Variants in SASH1 observed in about 807,000 individuals in gnomAD.
SASH1 encodes the protein SAM and SH3 domain-containing protein 1.
SASH1 carries 44 observed loss-of-function variants against 125.2 expected under a neutral mutation model. That is an observed-to-expected ratio of 0.35 (90% CI 0.28 to 0.45). The LOEUF (loss-of-function observed/expected upper bound fraction) is 0.45. SASH1 is among the 20% of genes least tolerant of loss of function. SASH1 has a pLI of 1.00. For missense variants in SASH1, 1,426 were observed against 1,614.5 expected, an observed-to-expected ratio of 0.88 and a Z score of 2.00; for synonymous variants, 639 against 649.1, an observed-to-expected ratio of 0.98 and a Z score of 0.24.
At chr6:148,220,202 C>G in the SASH1 span, among the ~76,000 whole-genome samples, 24 of 152,194 alleles carry the variant, frequency 1.6e-4, no homozygotes, top group Non-Finnish European at 8.8e-5. Context: ...CAGGCACAGA[C>G]AGTTTCAGTG....
chr6:148,523,887 C>T (rs1780965742), intron 10 of SASH1, among the ~76,000 whole-genome samples: 1 of 152,122 alleles, frequency 6.6e-6, no homozygotes, highest in East Asian at 1.9e-4. Context: ...AGAGTGTCTG[C>T]CTTGTGCCAG....
In SASH1 at chr6:148,487,602, T is replaced by G. The variant is rs1361543100; in HGVS notation, c.628-12T>G. 6.2e-7 allele frequency: 1 copy of G among 1,605,718 alleles called. No homozygotes were observed. ...TTCTTTCCATTTCAGTATCCATTTC[T>G]TCTTGTTACAGCTCAAGGAATACGA... On this transcript the variant is annotated splice_polypyrimidine_tract_variant and intron_variant, in intron 7 of 19. Coordinates refer to ENST00000367467, the MANE Select transcript of SASH1 (RefSeq NM_015278.5).
intron 1 of SASH1, among the ~76,000 whole-genome samples, chr6:148,352,559 C>T (rs1216409172): frequency 2.0e-5 from 3 of 150,872 alleles, no homozygotes; most frequent in Non-Finnish European, 3.0e-5. Flanking sequence ...ATCACACCAC[C>T]GTACTCCAGC....
At chr6:148,357,666 C>G (rs1233056945) in intron 1 of SASH1, among the ~76,000 whole-genome samples, 1 of 152,124 alleles carries the variant, frequency 6.6e-6, no homozygotes, top group Non-Finnish European at 1.5e-5. Context: ...TTGAGACAGG[C>G]TCCAGAACAG....
chr6:148,340,450 T>A (rs1031243545), upstream of SASH1, among the ~76,000 whole-genome samples: 26 of 148,930 alleles, frequency 1.7e-4, no homozygotes, highest in Admixed American at 1.5e-3. Context: ...GCCACTGCAC[T>A]CCAGCCTGGG....
At chr6:148,524,121 A>ATATATATATATATATATATATTT (rs1193506716) in intron 10 of SASH1, among the ~76,000 whole-genome samples, 31 of 128,590 alleles carry the variant, frequency 2.4e-4, no homozygotes, top group East Asian at 1.1e-3. Flanking sequence ...ATATATATAT[A>ATATATATATATATATATATATTT]TTTTTTTTAA....
chr6:148,219,923 A>G, the SASH1 span, among the ~76,000 whole-genome samples: 4 of 152,196 alleles, frequency 2.6e-5, no homozygotes, highest in Non-Finnish European at 5.9e-5. Context: ...AGGAAGCCAA[A>G]AGAGTTTCAA....
chr6:148,511,446 C>CA (rs1223489647), intron 8 of SASH1, among the ~76,000 whole-genome samples: 2 of 151,198 alleles, frequency 1.3e-5, no homozygotes, highest in Non-Finnish European at 2.9e-5. Flanking sequence ...GTCTAGCGTC[C>CA]AAAAAATGAT....
At position 148,370,141 on chromosome 6, in the gene SASH1, T is replaced by A. The variant is rs115685064; in HGVS notation, c.157-19993T>A. The stretch of plus-strand genomic sequence containing the variant: ...AGGAAGGATAGAAGGATAGATCAAG[T>A]GAAAGTGACCTTTCGAATGTCCCTG... On this transcript the variant is annotated intron_variant, in intron 1 of 19. Transcript: ENST00000367467. 2.1e-3 allele frequency among the ~76,000 whole-genome samples: 314 copies of A among 152,290 alleles called. 2 individuals are homozygous for A. Among genetic ancestry groups the A allele is most frequent in the African/African-American group, 7.4e-3 (306 of 41,568 alleles).
At chr6:148,422,520 T>A (rs1052369894) in intron 2 of SASH1, among the ~76,000 whole-genome samples, 1 of 152,242 alleles carries the variant, frequency 6.6e-6, no homozygotes, top group Non-Finnish European at 1.5e-5. Context: ...CAGTAAACTA[T>A]GCAACCAGGT....
chr6:148,270,699 G>T (rs1223515506), upstream of SASH1, among the ~76,000 whole-genome samples: 1 of 152,048 alleles, frequency 6.6e-6, no homozygotes, highest in Admixed American at 6.6e-5. Flanking sequence ...AAACAAAAAG[G>T]CTCTTACCTT....
chr6:148,515,247 T>C (rs2115332730), intron 9 of SASH1, among the ~76,000 whole-genome samples: 1 of 152,272 alleles, frequency 6.6e-6, no homozygotes, highest in South Asian at 2.1e-4. Context: ...ATAAAAATAC[T>C]GGAAAGACTA....
At chr6:148,281,749 C>T (rs1166542441) in intron 1 of SASH1, among the ~76,000 whole-genome samples, 5 of 151,924 alleles carry the variant, frequency 3.3e-5, no homozygotes, top group Admixed American at 2.6e-4. Context: ...GGTGAAACAC[C>T]GTCTCTACTA....
At chr6:148,487,190 T>G (rs527312486) in intron 7 of SASH1, among the ~76,000 whole-genome samples, 2 of 150,568 alleles carry the variant, frequency 1.3e-5, no homozygotes, top group African/African-American at 4.9e-5. Flanking sequence ...TCATTTTCTC[T>G]TCCTAAAAAG....
In SASH1 at chr6:148,379,826, G is replaced by A. The variant is rs1049569619; in HGVS notation, c.157-10308G>A. 6.9e-6 allele frequency: 3 copies of A among 433,370 alleles called. No homozygotes were observed. The Admixed American group carries it at 7.3e-5, about 11-fold the overall frequency. 26.8% of individuals were successfully genotyped at this position (433,370 alleles called of 1,614,324 possible). A position where few individuals can be genotyped will look rare whatever the true frequency, so the allele number is the denominator to read the frequency against. ...CTCCTTACAGTGGGAAATTTCAGAT[G>A]TATACCAAGTGGGGAGCATATGTTA... On this transcript the variant is annotated intron_variant, in intron 1 of 19. Transcript: ENST00000367467.
chr6:148,426,264 AATTTTCTC>A (rs1775820535), intron 2 of SASH1, among the ~76,000 whole-genome samples: 1 of 151,910 alleles, frequency 6.6e-6, no homozygotes, highest in Admixed American at 6.5e-5. Flanking sequence ...TTCCATTTAA[AATTTTCTC>A]AGTTTCTCCT....
At chr6:148,317,390 A>C (rs191215277) in intron 1 of SASH1, among the ~76,000 whole-genome samples, 23 of 152,318 alleles carry the variant, frequency 1.5e-4, no homozygotes, top group Non-Finnish European at 2.9e-4. Context: ...ATTTGTTATT[A>C]TTTAGGAGGT....
chr6:148,507,430 A>G (rs1779861324), intron 8 of SASH1, among the ~76,000 whole-genome samples: 1 of 152,090 alleles, frequency 6.6e-6, no homozygotes, highest in African/African-American at 2.4e-5. Context: ...GAGTGCAGTC[A>G]GGCGATCTTG....
At chr6:148,317,281 A>G (rs1457991192) in intron 1 of SASH1, among the ~76,000 whole-genome samples, 1 of 152,232 alleles carries the variant, frequency 6.6e-6, no homozygotes, top group Non-Finnish European at 1.5e-5. Context: ...TGGTCCAATA[A>G]AGAGCTCTTG....
Sources: allele counts gnomAD v4.1 joint callset (sites outside exome capture counted in the v4.1 genomes callset), GRCh38; gene constraint gnomAD v4.1.1; transcripts MANE v1.5; gene names NCBI Gene and HGNC (gene_info 2026-07-23, HGNC 2026-07-21).